The following TSPAN32 variants were observed in gnomAD, a reference collection of about 807,000 sequenced individuals.
The protein encoded by TSPAN32 is tetraspanin 32.
Under a neutral mutation model 42.7 loss-of-function variants are expected in TSPAN32, and 47 were observed. The observed-to-expected ratio is 1.10, with a 90% CI of 0.87 to 1.40. The LOEUF is 1.40. TSPAN32 is among the 40% of genes most tolerant of loss of function. The pLI, the probability that TSPAN32 is intolerant of heterozygous loss-of-function variation, is 0.00. For missense variants in TSPAN32, 469 were observed against 424.1 expected (o/e 1.11, Z -0.93); for synonymous variants, 175 against 175.9 (o/e 0.99, Z 0.04).
intron 3 of TSPAN32, among the ~76,000 whole-genome samples, chr11:2,308,355 C>T (rs1848236073): frequency 6.6e-6 from 1 of 151,980 alleles, no homozygotes; most frequent in Non-Finnish European, 1.5e-5. Flanking sequence ...CTGCCCAGGC[C>T]TGCCAGGCCC....
Position 2,316,748 on chromosome 11 carries a change from A to C in TSPAN32, c.719+81A>C, listed in dbSNP as rs1295953359. 11 of 1,418,654 alleles carry C rather than the reference A, an allele frequency of 7.8e-6. No homozygotes were observed. The East Asian group carries it at 2.6e-4, about 33-fold the overall frequency. 87.9% of individuals were successfully genotyped at this position (1,418,654 alleles called of 1,614,324 possible). On this transcript the variant is annotated intron_variant, in intron 8 of 9. Transcript: ENST00000182290. ...AGAGGCATCTGCTCTGCCAGCTGCT[A>C]GGAGGGAGCCCCGGGACCAAGCCCC...
Position 2,313,244 on chromosome 11 carries a change from G to A in TSPAN32, c.355-410G>A, listed in dbSNP as rs749642281. On this transcript the variant is annotated intron_variant, in intron 4 of 9. Transcript: ENST00000182290. The surrounding 1 kb of genome is among the most constrained non-coding windows in gnomAD (Gnocchi z 9.1). ...AGAATCCCCAAGCTTTCTGGGAGCT[G>A]AGGTCCTGGCACAGGGTCTCTCAAG... Among the ~76,000 whole-genome samples the A allele has an allele frequency of 3.3e-5, 5 of 152,202 alleles. No homozygotes were observed. Among genetic ancestry groups the A allele is most frequent in the Non-Finnish European group, 7.3e-5 (5 of 68,044 alleles).
chr11:2,306,046 C>CTGTGTGTGTGTGTGTGTG (rs56961357), intron 3 of TSPAN32, among the ~76,000 whole-genome samples: 7,481 of 147,188 alleles, frequency 0.051, 235 homozygotes, highest in Middle Eastern at 0.069. Flanking sequence ...GCAGGTGCCT[C>CTGTGTGTGTGTGTGTGTG]TGTGTGTGTG....
intron 8 of TSPAN32, among the ~76,000 whole-genome samples, chr11:2,316,884 AC>A (rs1175464178): frequency 1.3e-5 from 2 of 151,672 alleles, no homozygotes; most frequent in Admixed American, 1.3e-4. Context: ...CCACATGGGG[AC>A]CCCCCTTTGC....
In TSPAN32 at chr11:2,306,046, C is replaced by CTGTGTGTGTGTGTGTGTGTGTG. The variant is rs56961357; in HGVS notation, c.279+1846_279+1867dup. On this transcript the variant is annotated intron_variant, in intron 3 of 9. Transcript: ENST00000182290. The stretch of plus-strand genomic sequence containing the variant: ...TGTGTGTGTGCGTGTGCAGGTGCCT[C>CTGTGTGTGTGTGTGTGTGTGTG]TGTGTGTGTGTGTGTGTGTGTGTGT... Among the ~76,000 whole-genome samples, 1,355 of 147,292 alleles carry CTGTGTGTGTGTGTGTGTGTGTG rather than the reference C, an allele frequency of 9.2e-3. 14 individuals are homozygous for CTGTGTGTGTGTGTGTGTGTGTG. Among genetic ancestry groups the CTGTGTGTGTGTGTGTGTGTGTG allele is most frequent in the East Asian group, 0.026 (131 of 4,948 alleles).
intron 6 of TSPAN32, chr11:2,315,181 CTCCCTGCT>C: frequency 2.1e-6 from 2 of 963,598 alleles, no homozygotes; most frequent in South Asian, 1.9e-5. Context: ...ACCCTGCCCC[CTCCCTGCT>C]CCCCTCCCCG....
intron 1 of TSPAN32, among the ~76,000 whole-genome samples, 186 bp downstream of exon 1, chr11:2,302,401 G>A (rs999098776): frequency 3.9e-5 from 6 of 152,218 alleles, no homozygotes; most frequent in Admixed American, 3.9e-4. Flanking sequence ...ACCACCATGA[G>A]CAACCCCGTC....
rs375179874 is a variant in TSPAN32 at position 2,311,202 on chromosome 11, C to T, written c.354+2392C>T. On this transcript the variant is annotated intron_variant, in intron 4 of 9. Transcript: ENST00000182290. ...GAGGAGGGAAGGGACCAGCCACATG[C>T]CCTTGGTGGTGCCCTGTGGCCACAG... Among the ~76,000 whole-genome samples the T allele has an allele frequency of 1.5e-3, 227 of 152,178 alleles. 1 individual carries two copies. The highest frequency in any genetic ancestry group is 5.2e-3 in the African/African-American group (215 of 41,522).
intron 6 of TSPAN32, chr11:2,315,528 G>A: frequency 1.7e-6 from 2 of 1,164,572 alleles, no homozygotes; most frequent in Middle Eastern, 4.0e-4. Flanking sequence ...AAAGCCTCCT[G>A]GGGAGCCGGA....
rs1848883062 is a variant in TSPAN32, at chr11:2,317,570, A to T, written c.901+45A>T. 6.5e-7 allele frequency: 1 copy of T among 1,538,010 alleles called. No individual in the cohort carries two copies. Among genetic ancestry groups the T allele is most frequent in the Non-Finnish European group, 8.7e-7 (1 of 1,146,706 alleles). On this transcript the variant is annotated intron_variant, in intron 9 of 9. Coordinates refer to ENST00000182290, the MANE Select transcript of TSPAN32 (RefSeq NM_139022.3). This position sits in a 1 kb window ranked among gnomAD's most constrained non-coding sequence, Gnocchi z 6.2. ...CAGCCCTCATGGGATCCCTGAGGGG[A>T]GGGTCCGAGCTGTGAGGAGGGAAGG...
At chr11:2,306,391 CTATT>C (rs1300210836) in intron 3 of TSPAN32, among the ~76,000 whole-genome samples, 1 of 152,048 alleles carries the variant, frequency 6.6e-6, no homozygotes, top group Non-Finnish European at 1.5e-5. Context: ...GCTTATGTAT[CTATT>C]TATTTATTTC....
rs5789250 is a variant in TSPAN32 at position 2,305,382 on chromosome 11, A to G, written c.279+1178A>G. Among the ~76,000 whole-genome samples, 47 of 108,440 alleles carry G rather than the reference A, an allele frequency of 4.3e-4. 1 individual carries two copies. Among genetic ancestry groups the G allele is most frequent in the African/African-American group, 6.7e-4 (20 of 29,948 alleles). The allele number at this position is 108,440 out of a possible 152,430, so 71.1% of individuals were successfully genotyped here. ...AGGCAGGTAGTCTGCCCCCCCCCCCAGAGGGTGTGTGGCCTGCAAAGGGAC... is the reference window on the plus strand; with the variant it reads ...AGGCAGGTAGTCTGCCCCCCCCCCCGGAGGGTGTGTGGCCTGCAAAGGGAC... On this transcript the variant is annotated intron_variant, in intron 3 of 9. Coordinates refer to ENST00000182290, the MANE Select transcript of TSPAN32 (RefSeq NM_139022.3).
chr11:2,309,591 G>A (rs573771318), intron 4 of TSPAN32: 47 of 295,998 alleles, frequency 1.6e-4, no homozygotes, highest in African/African-American at 9.3e-4. Flanking sequence ...AGCCTGGCAG[G>A]TCACAAGAGG....
intron 3 of TSPAN32, among the ~76,000 whole-genome samples, chr11:2,305,224 G>A (rs1009486609): frequency 1.3e-5 from 2 of 152,242 alleles, no homozygotes; most frequent in Non-Finnish European, 2.9e-5. Flanking sequence ...CCCATGGTGG[G>A]CAGAGGAGGA....
chr11:2,309,699 C>T (rs1006758926), intron 4 of TSPAN32, among the ~76,000 whole-genome samples: 3 of 152,218 alleles, frequency 2.0e-5, no homozygotes, highest in Non-Finnish European at 4.4e-5. Flanking sequence ...ATGAGAGATA[C>T]CGAGGCTGGT....
chr11:2,309,293 C>T (rs1848322874), intron 4 of TSPAN32: 3 of 456,986 alleles, frequency 6.6e-6, no homozygotes, highest in South Asian at 1.6e-5. Context: ...ACTGGGGTGT[C>T]GCAGCCTCCA....
At chr11:2,307,223 A>C (rs1415246938) in intron 3 of TSPAN32, among the ~76,000 whole-genome samples, 1 of 152,034 alleles carries the variant, frequency 6.6e-6, no homozygotes, top group East Asian at 1.9e-4. Flanking sequence ...AGCTCTTTCC[A>C]CGCCCCTCTG....
chr11:2,317,236 A>G lies in TSPAN32; in HGVS notation c.720-108A>G. On this transcript the variant is annotated intron_variant, in intron 8 of 9. Coordinates refer to ENST00000182290, the MANE Select transcript of TSPAN32 (RefSeq NM_139022.3). The surrounding 1 kb of genome is among the most constrained non-coding windows in gnomAD (Gnocchi z 6.2). ...CCACAGCAGCTCCATAATCCCCTCC[A>G]GAACATTCTGCAACAGCCCCATGAT... The G allele has an allele frequency of 1.2e-6, 1 of 867,764 alleles. No homozygotes were observed. The highest frequency in any genetic ancestry group is 1.8e-6 in the Non-Finnish European group (1 of 556,990). The allele number at this position is 867,764 out of a possible 1,614,324, so 53.8% of individuals were successfully genotyped here.
At chr11:2,316,781 C>G in intron 8 of TSPAN32, 114 bp downstream of exon 8, 1 of 1,189,430 alleles carries the variant, frequency 8.4e-7, no homozygotes, top group South Asian at 1.6e-5. Context: ...CCCAGGCTGA[C>G]ACTGTAGAGG....
Sources: allele counts gnomAD v4.1 joint callset (sites outside exome capture counted in the v4.1 genomes callset), GRCh38; gene constraint gnomAD v4.1.1; non-coding constraint Gnocchi (gnomAD v3.1); transcripts MANE v1.5; gene names NCBI Gene and HGNC (gene_info 2026-07-23, HGNC 2026-07-21).